The following CEP85L variants were observed in gnomAD, a reference collection of about 807,000 sequenced individuals.
CEP85L encodes the protein centrosomal protein 85L, also known as centrosomal protein of 85 kDa-like.
CEP85L carries 60 observed loss-of-function variants against 100.3 expected under a neutral mutation model. The ratio of observed to expected loss-of-function variants is 0.60; its 90% CI spans 0.49 to 0.74. The LOEUF is 0.74. Ranked by LOEUF, CEP85L falls within the 30% of genes least tolerant of loss-of-function variation. CEP85L has a pLI of 0.00. For missense variants in CEP85L, 973 were observed against 936.2 expected (o/e 1.04, Z -0.51); for synonymous variants, 319 against 322.7 (o/e 0.99, Z 0.12).
chr6:118,644,505 C>T (rs1015824798), intron 1 of CEP85L, among the ~76,000 whole-genome samples: 3 of 152,108 alleles, frequency 2.0e-5, no homozygotes, highest in African/African-American at 2.4e-5. Flanking sequence ...AACATCTCAC[C>T]TGAATTTCTC....
chr6:118,473,936 TA>T (rs5879462), intron 10 of CEP85L, among the ~76,000 whole-genome samples: 8 of 151,596 alleles, frequency 5.3e-5, no homozygotes, highest in Non-Finnish European at 5.9e-5. Context: ...AGATAAGAAA[TA>T]AAAAAAAGAG....
At chr6:118,488,190 C>A (rs1332397602) in intron 6 of CEP85L, among the ~76,000 whole-genome samples, 1 of 151,664 alleles carries the variant, frequency 6.6e-6, no homozygotes, top group African/African-American at 2.4e-5. Flanking sequence ...GGAAATATGT[C>A]CAAAACAAAC....
At chr6:118,568,834 G>A (rs1176539697) in intron 2 of CEP85L, among the ~76,000 whole-genome samples, 1 of 151,576 alleles carries the variant, frequency 6.6e-6, no homozygotes. Context: ...AAAAGTTTAT[G>A]GAATATTTGT....
intron 2 of CEP85L, among the ~76,000 whole-genome samples, chr6:118,577,648 T>G (rs1225520069): frequency 2.0e-5 from 3 of 152,222 alleles, no homozygotes; most frequent in Admixed American, 6.5e-5. Context: ...ACCAGCCAGA[T>G]GGCCTGGGAA....
In CEP85L at chr6:118,502,784, G is replaced by A. The variant is rs1775389884; in HGVS notation, c.1257+8514C>T. On this transcript the variant is annotated intron_variant, in intron 5 of 12. Coordinates refer to ENST00000368491, the MANE Select transcript of CEP85L (RefSeq NM_001042475.3). ...TAATCTTAAAGAACTTGTACAACAA[G>A]TAACTCCAGGTGATATCGTAAGCAT... is the stretch of plus-strand genomic sequence containing the variant. The A allele has an allele frequency of 8.2e-6, 5 of 609,018 alleles. 1 individual carries two copies. Among genetic ancestry groups the A allele is most frequent in the Admixed American group, 2.3e-5 (1 of 43,860 alleles). 37.7% of individuals were successfully genotyped at this position (609,018 alleles called of 1,614,324 possible).
At chr6:118,494,592 TG>T (rs1774800964) in intron 5 of CEP85L, among the ~76,000 whole-genome samples, 1 of 151,716 alleles carries the variant, frequency 6.6e-6, no homozygotes, top group Non-Finnish European at 1.5e-5. Context: ...CGCCTAAGGG[TG>T]GGGAAAGAAA....
At chr6:118,594,596 C>T (rs984526493) in intron 2 of CEP85L, among the ~76,000 whole-genome samples, 2 of 152,032 alleles carry the variant, frequency 1.3e-5, no homozygotes, top group Non-Finnish European at 2.9e-5. Context: ...TCGCCGGGCA[C>T]GGTGGCTCAC....
intron 1 of CEP85L, among the ~76,000 whole-genome samples, chr6:118,678,132 C>T (rs1366755410): frequency 1.3e-5 from 2 of 152,198 alleles, no homozygotes; most frequent in Non-Finnish European, 2.9e-5. Flanking sequence ...AATGGATCAA[C>T]ATCTGTAGAA....
chr6:118,584,400 T>C (rs1231475234), intron 2 of CEP85L, among the ~76,000 whole-genome samples: 1 of 152,130 alleles, frequency 6.6e-6, no homozygotes, highest in Non-Finnish European at 1.5e-5. Context: ...CAGGATTTTG[T>C]AGACTATGGA....
intron 3 of CEP85L, among the ~76,000 whole-genome samples, chr6:118,526,679 A>C (rs1431660811): frequency 1.3e-5 from 2 of 152,244 alleles, no homozygotes; most frequent in African/African-American, 2.4e-5. Context: ...AACTTGCCAA[A>C]ACCAAGACAG....
At chr6:118,641,367 G>A (rs1225411935) in intron 1 of CEP85L, among the ~76,000 whole-genome samples, 3 of 151,262 alleles carry the variant, frequency 2.0e-5, no homozygotes, top group Non-Finnish European at 4.4e-5. Context: ...GGGAGTACAC[G>A]AGCCAATCCA....
intron 2 of CEP85L, among the ~76,000 whole-genome samples, chr6:118,625,327 T>A (rs1275785814): frequency 6.6e-6 from 1 of 152,202 alleles, no homozygotes; most frequent in Non-Finnish European, 1.5e-5. Flanking sequence ...CATGTCCATT[T>A]ATACCGAACA....
chr6:118,606,656 TC>T (rs1772243481), intron 2 of CEP85L, among the ~76,000 whole-genome samples: 2 of 152,326 alleles, frequency 1.3e-5, no homozygotes, highest in African/African-American at 4.8e-5. Flanking sequence ...GGTGGAGACT[TC>T]ATCCAGTATT....
chr6:118,493,216 A>C (rs1326452449), intron 5 of CEP85L, among the ~76,000 whole-genome samples: 1 of 152,222 alleles, frequency 6.6e-6, no homozygotes, highest in Non-Finnish European at 1.5e-5. Flanking sequence ...TTCTAGAAAG[A>C]ACATTTTTAA....
At chr6:118,541,248 G>T (rs972434640) in intron 3 of CEP85L, among the ~76,000 whole-genome samples, 6 of 152,176 alleles carry the variant, frequency 3.9e-5, no homozygotes, top group Non-Finnish European at 5.9e-5. Context: ...CAACTGAAGG[G>T]CAAATTAAAT....
intron 2 of CEP85L, among the ~76,000 whole-genome samples, chr6:118,591,202 G>C (rs1365796831): frequency 6.6e-6 from 1 of 152,172 alleles, no homozygotes; most frequent in East Asian, 1.9e-4. Flanking sequence ...GCTGAGGCAG[G>C]AGAACAGGGT....
At chr6:118,502,424 A>G (rs1775365818) in intron 5 of CEP85L, 4 of 528,812 alleles carry the variant, frequency 7.6e-6, no homozygotes, top group African/African-American at 1.9e-5. Flanking sequence ...CCAGGGCCCT[A>G]TAAGAGTTGG....
chr6:118,695,299 A>G (rs1386335968), intron 1 of CEP85L, among the ~76,000 whole-genome samples: 2 of 152,200 alleles, frequency 1.3e-5, no homozygotes, highest in Admixed American at 6.5e-5. Context: ...TGAGAAGTAA[A>G]TAATTTGCAA....
At chr6:118,663,902 T>C in intron 1 of CEP85L, among the ~76,000 whole-genome samples, 1 of 151,952 alleles carries the variant, frequency 6.6e-6, no homozygotes, top group African/African-American at 2.4e-5. Context: ...GTACTATTAT[T>C]TTTTATTCTT....
Sources: allele counts gnomAD v4.1 joint callset (sites outside exome capture counted in the v4.1 genomes callset), GRCh38; gene constraint gnomAD v4.1.1; transcripts MANE v1.5; gene names NCBI Gene and HGNC (gene_info 2026-07-23, HGNC 2026-07-21).